Variants in COQ8A observed in about 807,000 individuals in gnomAD.
The protein encoded by COQ8A is coenzyme Q8A, also known as atypical kinase COQ8A, mitochondrial.
In COQ8A, 51 loss-of-function variants were observed where a neutral mutation model predicts 65.0. The ratio of observed to expected loss-of-function variants is 0.78; its 90% CI spans 0.63 to 0.99. The LOEUF (loss-of-function observed/expected upper bound fraction) is 0.99, where lower values mean the gene tolerates loss of function less well. COQ8A is among the 50% of genes least tolerant of loss of function. COQ8A has a pLI of 0.00. For missense variants in COQ8A, 940 were observed against 875.0 expected, an observed-to-expected ratio of 1.07 and a Z score of -0.94; for synonymous variants, 371 against 353.2, an observed-to-expected ratio of 1.05 and a Z score of -0.57.
chr1:226,984,634 CTA>C lies in COQ8A; in HGVS notation c.1487_1488del (p.Tyr496Ter). On this transcript the variant is annotated frameshift_variant, in exon 12 of 15. Transcript: ENST00000366777. LOFTEE classifies it high-confidence loss of function. ...CAGACCCCAACTGGTCCAACTTCTTCTATGACCCCCAGCAGCACAAGGTGAGC... is the reference window on the plus strand; with the variant it reads ...CAGACCCCAACTGGTCCAACTTCTTCTGACCCCCAGCAGCACAAGGTGAGC... ...QTDPNWSNFF[Y>X]DPQQHKVALL... 6.2e-7 allele frequency: 1 copy of C among 1,614,158 alleles called. No homozygotes were observed.
At chr1:226,985,028 G>C (rs1659998458) in intron 13 of COQ8A, 87 bp downstream of exon 13, 3 of 1,524,926 alleles carry the variant, frequency 2.0e-6, no homozygotes, top group African/African-American at 1.4e-5. Context: ...GAGAATGACT[G>C]GGTTCCTGCC....
chr1:226,985,221 C>T (rs771596091), intron 13 of COQ8A, 33 bp from the exon 14 acceptor site: 3 of 1,607,244 alleles, frequency 1.9e-6, no homozygotes, highest in South Asian at 1.1e-5. Context: ...GCTTTTCATG[C>T]TGCCCACGGT....
chr1:226,959,215 T>C (rs1480501889), intron 1 of COQ8A, among the ~76,000 whole-genome samples: 4 of 152,300 alleles, frequency 2.6e-5, no homozygotes, highest in African/African-American at 9.6e-5. Context: ...CCCTCCTTTC[T>C]ACTTCTGTGA....
At chr1:226,945,025 G>A (rs1458133469) in intron 1 of COQ8A, among the ~76,000 whole-genome samples, 1 of 152,144 alleles carries the variant, frequency 6.6e-6, no homozygotes, top group Non-Finnish European at 1.5e-5. Context: ...AGAAGGATCA[G>A]TATCTGCGTT....
chr1:226,958,519 G>A (rs1026746481), intron 1 of COQ8A, among the ~76,000 whole-genome samples: 12 of 152,174 alleles, frequency 7.9e-5, no homozygotes, highest in South Asian at 2.1e-4. Flanking sequence ...ATAGAGGTAC[G>A]GGCATGCCAC....
intron 1 of COQ8A, among the ~76,000 whole-genome samples, chr1:226,960,497 G>GTGCT (rs2148048302): frequency 2.6e-5 from 4 of 151,608 alleles, no homozygotes; most frequent in East Asian, 1.9e-4. Context: ...GGTGGTGGTG[G>GTGCT]TGGTGCTTGG....
intron 4 of COQ8A, among the ~76,000 whole-genome samples, chr1:226,977,171 C>T (rs1659288570): frequency 6.6e-6 from 1 of 152,126 alleles, no homozygotes; most frequent in South Asian, 2.1e-4. Context: ...TTTGGGGTGT[C>T]CGTGTGCCCG....
At chr1:226,983,916 A>T in intron 10 of COQ8A, 62 bp downstream of exon 10, 1 of 1,577,478 alleles carries the variant, frequency 6.3e-7, no homozygotes, top group Non-Finnish European at 8.6e-7. Flanking sequence ...GACCATGTTC[A>T]GCAGCTGGTG....
In COQ8A at chr1:226,949,073, C is replaced by CAAGGCCCT. The variant is rs1255088777; in HGVS notation, c.-10+8675_-10+8682dup. ...GAGCTGATTCCCAGCCCCAAGGCCC[C>CAAGGCCCT]AAGGCCCTCACCCTTGGCTAATGGG... is the stretch of plus-strand genomic sequence containing the variant. On this transcript the variant is annotated intron_variant, in intron 1 of 14. Transcript: ENST00000366777. This position sits in a 1 kb window ranked among gnomAD's most constrained non-coding sequence, Gnocchi z 4.0. Among the ~76,000 whole-genome samples the CAAGGCCCT allele has an allele frequency of 6.6e-6, 1 of 152,010 alleles. No individual in the cohort carries two copies. Among genetic ancestry groups the CAAGGCCCT allele is most frequent in the Non-Finnish European group, 1.5e-5 (1 of 68,012 alleles).
chr1:226,982,860 AT>A, intron 7 of COQ8A, 33 bp from the exon 8 acceptor site: 1 of 1,612,588 alleles, frequency 6.2e-7, no homozygotes, highest in Non-Finnish European at 8.5e-7. Context: ...CAGGCAGGGC[AT>A]GCTCAGAGCC....
chr1:226,965,803 A>G, intron 4 of COQ8A, 66 bp downstream of exon 4: 3 of 1,546,912 alleles, frequency 1.9e-6, no homozygotes, highest in Non-Finnish European at 2.7e-6. Context: ...TGCGGCCTGC[A>G]TGGAGGTGGG....
At chr1:226,983,976 C>T (rs1255848722) in intron 10 of COQ8A, 118 bp from the exon 11 acceptor site, 15 of 1,548,550 alleles carry the variant, frequency 9.7e-6, no homozygotes, top group East Asian at 2.3e-5. Context: ...CAGCCTGGGC[C>T]GAGGCCATAT....
rs556474267 is a variant in COQ8A, at chr1:226,976,548, G to A, written c.656-901G>A. Among the ~76,000 whole-genome samples, 215 of 152,288 alleles carry A rather than the reference G, an allele frequency of 1.4e-3. 1 individual carries two copies. Among genetic ancestry groups the A allele is most frequent in the African/African-American group, 4.9e-3 (205 of 41,550 alleles). ...GGCCATGGTCACCGTGCCCAGCCAG[G>A]TGCTCTTCACCCTCTTTCTGCTCAC... On this transcript the variant is annotated intron_variant, in intron 4 of 14. Transcript: ENST00000366777.
At chr1:226,957,167 C>A (rs1346132987) in intron 1 of COQ8A, among the ~76,000 whole-genome samples, 11 of 151,192 alleles carry the variant, frequency 7.3e-5, no homozygotes, top group Non-Finnish European at 1.6e-4. Context: ...TCCGCTCTCC[C>A]TGGCTTCTGC....
chr1:226,974,197 A>G (rs1327149156), intron 4 of COQ8A, among the ~76,000 whole-genome samples: 1 of 152,156 alleles, frequency 6.6e-6, no homozygotes, highest in Non-Finnish European at 1.5e-5. Context: ...TCCAGAAGTC[A>G]TAGGAGGTTG....
At chr1:226,948,466 A>G (rs1263088877) in intron 1 of COQ8A, among the ~76,000 whole-genome samples, 1 of 152,076 alleles carries the variant, frequency 6.6e-6, no homozygotes, top group Non-Finnish European at 1.5e-5. Flanking sequence ...GGTTCTGGGG[A>G]TTGTGGTATG....
chr1:226,954,485 C>G (rs1326528841), intron 1 of COQ8A, among the ~76,000 whole-genome samples: 2 of 152,248 alleles, frequency 1.3e-5, no homozygotes, highest in Non-Finnish European at 2.9e-5. Flanking sequence ...TTCCCGGGCC[C>G]CACCCCAGAC....
At chr1:226,942,139 G>A (rs951210239) in intron 1 of COQ8A, among the ~76,000 whole-genome samples, 1 of 151,966 alleles carries the variant, frequency 6.6e-6, no homozygotes, top group Admixed American at 6.6e-5. Context: ...TCCCCTGGAG[G>A]GCAAAATCTC....
chr1:226,965,184 C>G lies in COQ8A; in HGVS notation c.362C>G (p.Ala121Gly). The change falls in exon 3 of 15, where the codon GCC becomes GGC. Residue 121 changes from alanine to glycine, a missense_variant. Ala to Gly is a moderately conservative substitution (Grantham distance 60, BLOSUM62 0). Transcript: ENST00000366777. ...GAGGGCCCAGCTCCTGCCTACGTGG[C>G]CAGTGGACCCTTTAGAGAAGCCGGG... ...HSEGPAPAYV[A>G]SGPFREAGFP... The G allele has an allele frequency of 6.2e-7, 1 of 1,613,774 alleles. No homozygotes were observed. Among genetic ancestry groups the G allele is most frequent in the Non-Finnish European group, 8.5e-7 (1 of 1,180,018 alleles).
Sources: gnomAD v4.1 joint callset for allele counts (sites outside exome capture counted in the v4.1 genomes callset) on GRCh38, gnomAD v4.1.1 for gene constraint, Gnocchi (gnomAD v3.1) non-coding constraint, MANE v1.5 for transcripts, NCBI Gene and HGNC (gene_info 2026-07-23, HGNC 2026-07-21) for gene names.